LARP1: variants seen among roughly 807,000 people sequenced by gnomAD.
LARP1 encodes the protein La ribonucleoprotein 1, translational regulator.
Under a neutral mutation model 122.7 loss-of-function variants are expected in LARP1, and 36 were observed. The ratio of observed to expected loss-of-function variants is 0.29; its 90% CI spans 0.22 to 0.39. The LOEUF is 0.39. LARP1 is among the 10% of genes least tolerant of loss of function. The pLI is 1.00. For synonymous variants in LARP1, 539 were observed against 528.7 expected (o/e 1.02, Z -0.27); for missense variants, 1,040 against 1,403.6 (o/e 0.74, Z 4.14).
intron 1 of LARP1, among the ~76,000 whole-genome samples, chr5:154,690,777 G>A (rs1754160355): frequency 6.6e-6 from 1 of 152,182 alleles, no homozygotes; most frequent in African/African-American, 2.4e-5. Flanking sequence ...GGGGGGCTGT[G>A]CGACAACGGC....
In LARP1 at chr5:154,785,807, G is replaced by T. The variant is rs1756833666; in HGVS notation, c.437-4518G>T. On this transcript the variant is annotated intron_variant, in intron 1 of 18. Coordinates refer to ENST00000518297, the MANE Select transcript of LARP1 (RefSeq NM_033551.3). ...CGCCATCCCTATTCCAACCATCCCA[G>T]TTAGTAATTCCTCTCTGCCCTGCCA... 2.6e-5 allele frequency among the ~76,000 whole-genome samples: 4 copies of T among 152,110 alleles called. No individual in the cohort carries two copies. In the South Asian group the frequency reaches 8.3e-4, roughly 32 times the overall value.
At chr5:154,800,991 G>C (rs1000837826) in intron 10 of LARP1, among the ~76,000 whole-genome samples, 1 of 152,176 alleles carries the variant, frequency 6.6e-6, no homozygotes, top group Non-Finnish European at 1.5e-5. Flanking sequence ...ACAAAGTTTT[G>C]TTTGAAACAG....
rs1753850106 is a variant in LARP1, at chr5:154,756,013, G to T, written c.256G>T (p.Gly86Cys). ...GCCGCTGCAGCTGCCCGGCGCCGAAGGCCCGGCCATCAGCGACGGGGAGGA... is the reference window on the plus strand; with the variant it reads ...GCCGCTGCAGCTGCCCGGCGCCGAATGCCCGGCCATCAGCGACGGGGAGGA... ...PRPLQLPGAE[G>C]PAISDGEEGG... Residue 86 changes from glycine (G) to cysteine (C), a missense_variant, in exon 1 of 19, where the codon GGC becomes TGC. This residue lies in a region of LARP1 where 257 missense variants were observed against 273.3 expected (regional missense o/e 0.94). Transcript: ENST00000518297. 1 of 1,025,584 alleles carries T rather than the reference G, an allele frequency of 9.8e-7. No individual in the cohort carries two copies. The highest frequency in any genetic ancestry group is 1.2e-6 in the Non-Finnish European group (1 of 856,910). The allele number at this position is 1,025,584 out of a possible 1,614,324, so 63.5% of individuals were successfully genotyped here.
intron 1 of LARP1, among the ~76,000 whole-genome samples, chr5:154,690,655 C>T (rs1335741481): frequency 2.0e-5 from 3 of 152,302 alleles, no homozygotes; most frequent in Middle Eastern, 3.4e-3. Context: ...GAGCAGCAGG[C>T]GGAGGCTTTG....
chr5:154,787,188 T>TGGC (rs1756961084), intron 1 of LARP1, among the ~76,000 whole-genome samples: 1 of 152,232 alleles, frequency 6.6e-6, no homozygotes, highest in African/African-American at 2.4e-5. Flanking sequence ...TATAACTGTT[T>TGGC]TCTTGACCAA....
At chr5:154,735,323 G>T (rs528503285) in intron 1 of LARP1, among the ~76,000 whole-genome samples, 2 of 151,998 alleles carry the variant, frequency 1.3e-5, no homozygotes, top group East Asian at 3.9e-4. Context: ...GGCGTGATGG[G>T]TGCCTGTAAT....
At chr5:154,748,949 T>C (rs1157305567) in intron 1 of LARP1, among the ~76,000 whole-genome samples, 1 of 152,216 alleles carries the variant, frequency 6.6e-6, no homozygotes, top group Admixed American at 6.5e-5. Flanking sequence ...TTTGCTCACT[T>C]TTCTATGTCT....
intron 1 of LARP1, among the ~76,000 whole-genome samples, chr5:154,717,425 C>T (rs969670233): frequency 6.6e-6 from 1 of 152,180 alleles, no homozygotes; most frequent in Admixed American, 6.5e-5. Flanking sequence ...TAAGTTATGG[C>T]ACCTGTTTGG....
chr5:154,767,275 G>A (rs182392839), intron 1 of LARP1, among the ~76,000 whole-genome samples: 1 of 152,302 alleles, frequency 6.6e-6, no homozygotes, highest in East Asian at 1.9e-4. Flanking sequence ...CTCAACTGGA[G>A]CCTGGCACAT....
At chr5:154,756,576 C>A in intron 1 of LARP1, 2 of 868,536 alleles carry the variant, frequency 2.3e-6, no homozygotes, top group South Asian at 5.2e-5. Flanking sequence ...CTTCCCACCC[C>A]GCCCGGCGCT....
chr5:154,698,955 G>A (rs1754593763), intron 1 of LARP1, among the ~76,000 whole-genome samples: 1 of 152,174 alleles, frequency 6.6e-6, no homozygotes, highest in African/African-American at 2.4e-5. Flanking sequence ...AATTCCTGAG[G>A]TTGTCAGTGC....
rs764919267 is a variant in LARP1, at chr5:154,794,103, A to G, written c.1073A>G (p.His358Arg). The part of the protein sequence containing the change: ...RGRGRGGTRT[H>R]FDYQFGYRKF... ...ATGGCACCCGTTTCCCCCATAGCCC[A>G]TTTTGACTACCAGTTTGGCTACCGA... is the stretch of plus-strand genomic sequence containing the variant. The change falls in exon 7 of 19, where the codon CAT becomes CGT. Residue 358 changes from histidine (H) to arginine (R), a missense_variant. His to Arg is a conservative substitution (Grantham distance 29). This residue lies in a region of LARP1 where 178 missense variants were observed against 178.3 expected (regional missense o/e 1.00). Transcript: ENST00000518297. 6.2e-7 allele frequency: 1 copy of G among 1,614,098 alleles called. No homozygotes were observed. The highest frequency in any genetic ancestry group is 2.2e-5 in the East Asian group (1 of 44,888).
chr5:154,735,199 T>C (rs1246962707), intron 1 of LARP1, among the ~76,000 whole-genome samples: 1 of 152,120 alleles, frequency 6.6e-6, no homozygotes, highest in Non-Finnish European at 1.5e-5. Context: ...TCATGCCTGT[T>C]ATCCCAGCAC....
upstream of LARP1, among the ~76,000 whole-genome samples, chr5:154,711,331 G>T (rs1422334862): frequency 6.6e-6 from 1 of 151,994 alleles, no homozygotes; most frequent in Non-Finnish European, 1.5e-5. Context: ...TAGTAGAGAC[G>T]GGGTTTCACT....
intron 1 of LARP1, among the ~76,000 whole-genome samples, chr5:154,771,392 C>A (rs562167953): frequency 6.6e-6 from 1 of 152,330 alleles, no homozygotes; most frequent in East Asian, 1.9e-4. Context: ...GCTACAGTGA[C>A]AATCCTCATT....
At chr5:154,795,892 ATATT>A (rs1032039360) in intron 8 of LARP1, among the ~76,000 whole-genome samples, 2 of 127,852 alleles carry the variant, frequency 1.6e-5, no homozygotes, top group African/African-American at 2.9e-5. Flanking sequence ...ACATTTATAT[ATATT>A]TATATATTAT....
chr5:154,764,012 CAAAAA>C lies in LARP1; in HGVS notation c.436+7820_436+7824del, dbSNP rs1754697105. On this transcript the variant is annotated intron_variant, in intron 1 of 18. Coordinates refer to ENST00000518297, the MANE Select transcript of LARP1 (RefSeq NM_033551.3). Reference sequence around the variant, plus strand: ...CCTGGGCAACAGAGCAGGACTGTCTCAAAAAGAAAAAGCTGCCTGGGTGCGGTGGT... The same window carrying C: ...CCTGGGCAACAGAGCAGGACTGTCTCGAAAAAGCTGCCTGGGTGCGGTGGT... 3.3e-5 allele frequency among the ~76,000 whole-genome samples: 5 copies of C among 151,040 alleles called. No homozygotes were observed. In the South Asian group the frequency reaches 8.4e-4, roughly 25 times the overall value.
At chr5:154,714,650 C>A (rs888912409) in intron 1 of LARP1, among the ~76,000 whole-genome samples, 1 of 152,150 alleles carries the variant, frequency 6.6e-6, no homozygotes, top group African/African-American at 2.4e-5. Flanking sequence ...GCTTCAGCCA[C>A]CCTGTTCTCT....
At chr5:154,738,228 G>A (rs113064173) in intron 1 of LARP1, among the ~76,000 whole-genome samples, 89 of 152,294 alleles carry the variant, frequency 5.8e-4, no homozygotes, top group African/African-American at 1.9e-3. Flanking sequence ...TCACCTTATT[G>A]TAGAGCTAGC....
Sources: gnomAD v4.1 joint callset for allele counts (sites outside exome capture counted in the v4.1 genomes callset) on GRCh38, gnomAD v4.1.1 for gene constraint, gnomAD v4.1.1 regional missense constraint, MANE v1.5 for transcripts, NCBI Gene and HGNC (gene_info 2026-07-23, HGNC 2026-07-21) for gene names.